PDE5A: variants seen among roughly 807,000 people sequenced by gnomAD.
PDE5A encodes phosphodiesterase 5A, also known as cGMP-specific 3',5'-cyclic phosphodiesterase.
A neutral mutation model predicts 110.2 loss-of-function variants in PDE5A; 67 were observed. That is an observed-to-expected ratio of 0.61 (90% confidence interval 0.50 to 0.75). The LOEUF (loss-of-function observed/expected upper bound fraction) is 0.75, where lower values mean the gene tolerates loss of function less well. PDE5A is among the 30% of genes least tolerant of loss of function. PDE5A has a pLI of 0.00. For missense variants in PDE5A, 862 were observed against 1,045.1 expected, an observed-to-expected ratio of 0.82 and a Z score of 2.42; for synonymous variants, 328 against 351.2, an observed-to-expected ratio of 0.93 and a Z score of 0.74.
intron 3 of PDE5A, among the ~76,000 whole-genome samples, chr4:119,577,144 T>C (rs1354910113): frequency 6.6e-6 from 1 of 152,082 alleles, no homozygotes; most frequent in African/African-American, 2.4e-5. Flanking sequence ...CAGGAAGAAG[T>C]TGAATCTCTG....
At chr4:119,609,787 C>CA (rs998395151) in intron 1 of PDE5A, among the ~76,000 whole-genome samples, 15 of 152,050 alleles carry the variant, frequency 9.9e-5, no homozygotes, top group Non-Finnish European at 1.8e-4. Context: ...GTTCTCACCA[C>CA]AAAAAACGAT....
At position 119,504,154 on chromosome 4, in the gene PDE5A, G is replaced by A. The variant is rs756907950; in HGVS notation, c.2331+382C>T. ...GTCTATTATTTCCATCTTTATGTCC[G>A]TGTGTACCTACTGTTTGGCTCCCAC... On this transcript the variant is annotated intron_variant, in intron 18 of 20. Coordinates refer to ENST00000354960, the MANE Select transcript of PDE5A (RefSeq NM_001083.4). 5.9e-5 allele frequency among the ~76,000 whole-genome samples: 9 copies of A among 151,844 alleles called. No individual in the cohort carries two copies. The South Asian group carries it at 6.2e-4, about 11-fold the overall frequency.
chr4:119,567,108 C>G lies in PDE5A; in HGVS notation c.868G>C (p.Gly290Arg). 1 of 1,613,550 alleles carries G rather than the reference C, an allele frequency of 6.2e-7. No individual in the cohort carries two copies. Among genetic ancestry groups the G allele is most frequent in the South Asian group, 1.1e-5 (1 of 91,062 alleles). ...TTTTCAGTAAATGTCCCACCGTTTC[C>G]TGATTTCTTGTTGATGGCCTGGGCT... is the stretch of plus-strand genomic sequence containing the variant. ...GVAQAINKKS[G>R]NGGTFTEKDE... The change falls in exon 4 of 21, where the codon GGA (glycine) becomes CGA (arginine). Residue 290 changes from glycine to arginine, a missense_variant. Gly to Arg is a moderately radical substitution (Grantham distance 125). Coordinates refer to ENST00000354960, the MANE Select transcript of PDE5A (RefSeq NM_001083.4).
intron 3 of PDE5A, among the ~76,000 whole-genome samples, chr4:119,594,159 A>G (rs1337237501): frequency 6.6e-6 from 1 of 152,144 alleles, no homozygotes; most frequent in Non-Finnish European, 1.5e-5. Flanking sequence ...TTTAATTTAA[A>G]TCATCCTCAC....
intron 6 of PDE5A, among the ~76,000 whole-genome samples, chr4:119,562,159 GC>G (rs1727765451): frequency 6.6e-6 from 1 of 152,200 alleles, no homozygotes; most frequent in South Asian, 2.1e-4. Flanking sequence ...ACTGCCTTAG[GC>G]CAGGGGCCCT....
At chr4:119,561,512 G>A (rs1053147709) in intron 6 of PDE5A, among the ~76,000 whole-genome samples, 5 of 152,158 alleles carry the variant, frequency 3.3e-5, no homozygotes, top group African/African-American at 4.8e-5. Context: ...TATCCATTGA[G>A]TGCGAATTAA....
At chr4:119,565,658 T>C (rs1327044169) in intron 4 of PDE5A, among the ~76,000 whole-genome samples, 1 of 152,072 alleles carries the variant, frequency 6.6e-6, no homozygotes, top group Non-Finnish European at 1.5e-5. Flanking sequence ...TATCTCTTTA[T>C]ACCACTTGAA....
At chr4:119,577,214 AG>A (rs138581548) in intron 3 of PDE5A, among the ~76,000 whole-genome samples, 115,032 of 151,758 alleles carry the variant, frequency 0.76, 43,935 homozygotes, top group East Asian at 0.89. Context: ...AACCAAAAAA[AG>A]TCCAGGACCA....
chr4:119,550,032 T>C (rs1176423221), intron 9 of PDE5A: 3 of 152,208 alleles, frequency 2.0e-5, no homozygotes, highest in Non-Finnish European at 2.9e-5. Context: ...CTATGACATG[T>C]AAGACAAATT....
intron 3 of PDE5A, among the ~76,000 whole-genome samples, chr4:119,577,195 T>C (rs1164235803): frequency 3.5e-5 from 3 of 84,790 alleles, no homozygotes; most frequent in African/African-American, 7.5e-5. Flanking sequence ...CAATAATTAA[T>C]AGCTTACCAA....
chr4:119,500,588 T>C (rs1260075593), intron 20 of PDE5A, among the ~76,000 whole-genome samples: 1 of 152,148 alleles, frequency 6.6e-6, no homozygotes, highest in African/African-American at 2.4e-5. Context: ...CATTTCCGTT[T>C]AAACCTTCAA....
At chr4:119,538,841 C>G in intron 11 of PDE5A, 119 bp downstream of exon 11, 1 of 789,248 alleles carries the variant, frequency 1.3e-6, no homozygotes, top group Non-Finnish European at 2.3e-6. Context: ...GACTTTGCAT[C>G]CCTGCAAGAA....
intron 1 of PDE5A, among the ~76,000 whole-genome samples, chr4:119,611,269 CCT>C (rs1350845865): frequency 1.3e-5 from 2 of 152,186 alleles, no homozygotes; most frequent in South Asian, 2.1e-4. Context: ...TCATCTATCC[CCT>C]CTGACTAGAT....
chr4:119,573,590 A>T (rs1238503198), intron 3 of PDE5A, among the ~76,000 whole-genome samples: 1 of 152,170 alleles, frequency 6.6e-6, no homozygotes, highest in Non-Finnish European at 1.5e-5. Flanking sequence ...TCTTTAAGTG[A>T]CTGGTAAGAT....
intron 3 of PDE5A, among the ~76,000 whole-genome samples, chr4:119,590,362 T>A (rs551547053): frequency 6.6e-6 from 1 of 152,190 alleles, no homozygotes; most frequent in Non-Finnish European, 1.5e-5. Flanking sequence ...TACTCCCTCA[T>A]AGACACTCTG....
At chr4:119,594,576 G>C (rs1729091573) in intron 3 of PDE5A, among the ~76,000 whole-genome samples, 1 of 152,158 alleles carries the variant, frequency 6.6e-6, no homozygotes, top group African/African-American at 2.4e-5. Context: ...TTAAAAATTT[G>C]ATATACCTGG....
intron 3 of PDE5A, among the ~76,000 whole-genome samples, chr4:119,575,512 A>G (rs1728301903): frequency 2.6e-5 from 4 of 152,234 alleles, no homozygotes; most frequent in Non-Finnish European, 5.9e-5. Flanking sequence ...ACAAGCCTGA[A>G]GAGAGTGGGG....
intron 3 of PDE5A, among the ~76,000 whole-genome samples, chr4:119,579,590 C>CA (rs910291776): frequency 3.4e-5 from 5 of 145,226 alleles, no homozygotes; most frequent in Non-Finnish European, 7.5e-5. Context: ...ATCACAAGGA[C>CA]AAAAAAACCA....
At chr4:119,548,358 A>AT (rs1727216017) in intron 9 of PDE5A, 1 of 152,176 alleles carries the variant, frequency 6.6e-6, no homozygotes, top group Non-Finnish European at 1.5e-5. Context: ...TTCTCCGTGT[A>AT]TTTTTAACAG....
Sources: allele counts gnomAD v4.1 joint callset (sites outside exome capture counted in the v4.1 genomes callset), GRCh38; gene constraint gnomAD v4.1.1; transcripts MANE v1.5; gene names NCBI Gene and HGNC (gene_info 2026-07-23, HGNC 2026-07-21).